The following PAH variants were observed in gnomAD, a reference collection of about 807,000 sequenced individuals.
The protein encoded by PAH is phenylalanine-4-hydroxylase.
In PAH, 64 loss-of-function variants were observed where a neutral mutation model predicts 62.0. The observed-to-expected ratio is 1.03, with a 90% confidence interval of 0.84 to 1.27. The LOEUF (loss-of-function observed/expected upper bound fraction) is 1.27, where lower values mean the gene tolerates loss of function less well. Ranked by LOEUF, PAH falls within the 50% of genes most tolerant of loss-of-function variation. The probability of loss-of-function intolerance (pLI) is 0.00; values close to 1 mark genes in which losing one functional copy is unlikely to be tolerated. For missense variants in PAH, 579 were observed against 542.8 expected (o/e 1.07, Z -0.66); for synonymous variants, 195 against 196.2 (o/e 0.99, Z 0.05).
At chr12:102,946,190 C>T (rs1389827621) in intron 1 of PAH, among the ~76,000 whole-genome samples, 1 of 152,206 alleles carries the variant, frequency 6.6e-6, no homozygotes, top group East Asian at 1.9e-4. Flanking sequence ...GGGAAGGAGT[C>T]TCTCCTGGAG....
chr12:102,887,492 C>G (rs548964201), intron 3 of PAH, among the ~76,000 whole-genome samples: 1 of 152,032 alleles, frequency 6.6e-6, no homozygotes, highest in African/African-American at 2.4e-5. Context: ...TTATTATTGG[C>G]CTGCTAAGTG....
At chr12:102,863,976 A>C (rs932638003) in intron 5 of PAH, among the ~76,000 whole-genome samples, 1 of 152,062 alleles carries the variant, frequency 6.6e-6, no homozygotes, top group Admixed American at 6.6e-5. Context: ...CCAATTCACC[A>C]TTTTGAATCT....
In PAH at chr12:102,843,488, C is replaced by T. The variant is rs564352498; in HGVS notation, c.1199+158G>A. Among the ~76,000 whole-genome samples the T allele has an allele frequency of 1.1e-4, 17 of 151,970 alleles. 1 individual carries two copies. In the South Asian group the frequency reaches 1.7e-3, roughly 15 times the overall value. On this transcript the variant is annotated intron_variant, in intron 11 of 12. Transcript: ENST00000553106. Reference sequence around the variant, plus strand: ...GCATGCCCAACCTTCCAACAGAGAACGGAAGAAAAGGAGGGTGGAGAACAT... The same window carrying T: ...GCATGCCCAACCTTCCAACAGAGAATGGAAGAAAAGGAGGGTGGAGAACAT...
At chr12:102,956,718 G>C (rs1879924741) in intron 1 of PAH, among the ~76,000 whole-genome samples, 1 of 152,120 alleles carries the variant, frequency 6.6e-6, no homozygotes, top group Non-Finnish European at 1.5e-5. Flanking sequence ...AATCTTTATG[G>C]GGAGGGGGTG....
chr12:102,850,256 G>A (rs1317922040), intron 8 of PAH, among the ~76,000 whole-genome samples: 1 of 152,170 alleles, frequency 6.6e-6, no homozygotes, highest in African/African-American at 2.4e-5. Flanking sequence ...ACTTCCAAAA[G>A]TCCAACGATC....
At chr12:102,936,894 A>G (rs543634394) in intron 1 of PAH, among the ~76,000 whole-genome samples, 3 of 152,254 alleles carry the variant, frequency 2.0e-5, no homozygotes, top group Admixed American at 1.3e-4. Flanking sequence ...CTCAAATCTC[A>G]TCTTGAATTG....
intron 11 of PAH, 65 bp downstream of exon 11, chr12:102,843,581 C>T: frequency 1.3e-6 from 2 of 1,580,694 alleles, no homozygotes; most frequent in Non-Finnish European, 1.7e-6. Flanking sequence ...GCCAACCACC[C>T]ACAGATGAGT....
Position 102,837,944 on chromosome 12 carries a change from G to A in PAH, c.*1231C>T, listed in dbSNP as rs1055971558. ...TTGGGTGGAGCTGGGAAGGTACCCA[G>A]AATTTGCTGTTGATGATACTACAGC... On this transcript the variant is annotated 3_prime_UTR_variant, in exon 13 of 13. Coordinates refer to ENST00000553106, the MANE Select transcript of PAH (RefSeq NM_000277.3). 6.6e-6 allele frequency: 1 copy of A among 152,198 alleles called. No homozygotes were observed. The highest frequency in any genetic ancestry group is 1.9e-4 in the East Asian group (1 of 5,208). The allele number at this position is 152,198 out of a possible 1,614,324, so 9.4% of individuals were successfully genotyped here.
chr12:102,858,610 T>G (rs1296560387), intron 5 of PAH, among the ~76,000 whole-genome samples: 4 of 152,014 alleles, frequency 2.6e-5, no homozygotes, highest in African/African-American at 9.7e-5. Flanking sequence ...GAACAGAAAA[T>G]ATAACAAACT....
intron 2 of PAH, among the ~76,000 whole-genome samples, chr12:102,906,694 C>T (rs1367323271): frequency 6.6e-6 from 1 of 151,366 alleles, no homozygotes; most frequent in Admixed American, 6.6e-5. Flanking sequence ...CTTTAGATCA[C>T]ATGCATTAAG....
upstream of PAH, among the ~76,000 whole-genome samples, chr12:102,918,187 G>C (rs1323026171): frequency 1.3e-5 from 2 of 152,154 alleles, no homozygotes; most frequent in Admixed American, 1.3e-4. Flanking sequence ...CAAATAGTCA[G>C]GAAGATGCCA....
chr12:102,934,729 T>G (rs1879037950), intron 1 of PAH, among the ~76,000 whole-genome samples: 1 of 152,144 alleles, frequency 6.6e-6, no homozygotes, highest in Admixed American at 6.5e-5. Flanking sequence ...TGTTTGCTGC[T>G]GGCATATAGA....
rs1392318139 is a variant in PAH, at chr12:102,957,823, G to C, written c.-96+372C>G. ...GCCACGGCTGGAGAGACCGAGACCCGGCGCAAGAGAGCGCAGCCTTAGTAG... is the reference window on the plus strand; with the variant it reads ...GCCACGGCTGGAGAGACCGAGACCCCGCGCAAGAGAGCGCAGCCTTAGTAG... On this transcript the variant is annotated intron_variant, in intron 1 of 4. Transcript: ENST00000551337. This position sits in a 1 kb window ranked among gnomAD's most constrained non-coding sequence, Gnocchi z 4.1. 2 of 163,284 alleles carry C rather than the reference G, an allele frequency of 1.2e-5. No individual in the cohort carries two copies. The highest frequency in any genetic ancestry group is 2.6e-5 in the Non-Finnish European group (2 of 75,822). 10.1% of individuals were successfully genotyped at this position (163,284 alleles called of 1,614,324 possible).
chr12:102,924,722 AT>A (rs2136742042), intron 1 of PAH, among the ~76,000 whole-genome samples: 1 of 152,272 alleles, frequency 6.6e-6, no homozygotes, highest in South Asian at 2.1e-4. Context: ...TTCTGTATGA[AT>A]CAGAATGTCC....
chr12:102,897,167 A>G (rs1877539226), intron 2 of PAH, among the ~76,000 whole-genome samples: 1 of 152,178 alleles, frequency 6.6e-6, no homozygotes, highest in Non-Finnish European at 1.5e-5. Context: ...ATTGCCTTCC[A>G]GAAAGTCTAT....
intron 2 of PAH, 39 bp downstream of exon 2, chr12:102,912,752 T>G: frequency 7.4e-7 from 1 of 1,353,334 alleles, no homozygotes; most frequent in Non-Finnish European, 1.1e-6. Context: ...GGAAGTTTGC[T>G]ACGACATTAT....
intron 2 of PAH, among the ~76,000 whole-genome samples, chr12:102,897,679 A>T (rs1877570293): frequency 6.6e-6 from 1 of 152,176 alleles, no homozygotes; most frequent in South Asian, 2.1e-4. Flanking sequence ...TAACTGCCTG[A>T]GTATCAGAGT....
rs1878405642 is a variant in PAH, at chr12:102,916,939, T to G, written c.60+132A>C. 4.8e-6 allele frequency: 4 copies of G among 833,668 alleles called. 1 individual carries two copies. The African/African-American group carries it at 5.1e-5, about 11-fold the overall frequency. 51.6% of individuals were successfully genotyped at this position (833,668 alleles called of 1,614,324 possible). A position where few individuals can be genotyped will look rare whatever the true frequency, so the allele number is the denominator to read the frequency against. On this transcript the variant is annotated intron_variant, in intron 1 of 12. Transcript: ENST00000553106. ...CATTTGTCTGTTGACTTCCTGGATA[T>G]TCTCATCAGCTTCCAACGAATTCAG...
chr12:102,854,276 GC>G (rs1200781788), intron 6 of PAH, among the ~76,000 whole-genome samples: 1 of 152,116 alleles, frequency 6.6e-6, no homozygotes, highest in African/African-American at 2.4e-5. Flanking sequence ...CCCCACAGTG[GC>G]CCATCTCTGC....
Sources: gnomAD v4.1 joint callset for allele counts (sites outside exome capture counted in the v4.1 genomes callset) on GRCh38, gnomAD v4.1.1 for gene constraint, Gnocchi (gnomAD v3.1) non-coding constraint, MANE v1.5 for transcripts, NCBI Gene and HGNC (gene_info 2026-07-23, HGNC 2026-07-21) for gene names.